The following RPS6KA2 variants were observed in gnomAD, a reference collection of about 807,000 sequenced individuals.
RPS6KA2 encodes ribosomal protein S6 kinase A2, also known as ribosomal protein S6 kinase alpha-2.
RPS6KA2 carries 42 observed loss-of-function variants against 91.8 expected under a neutral mutation model. That is an observed-to-expected ratio of 0.46 (90% CI 0.36 to 0.59). RPS6KA2 has a LOEUF of 0.59. RPS6KA2 is among the 20% of genes least tolerant of loss of function. The probability of loss-of-function intolerance (pLI) is 0.00; values close to 1 mark genes in which losing one functional copy is unlikely to be tolerated. For missense variants in RPS6KA2, 798 were observed against 978.5 expected (o/e 0.82, Z 2.46); for synonymous variants, 414 against 393.6 (o/e 1.05, Z -0.61).
intron 2 of RPS6KA2, among the ~76,000 whole-genome samples, chr6:166,713,397 G>T (rs73788095): frequency 0.034 from 5,105 of 152,264 alleles, 289 homozygotes; most frequent in African/African-American, 0.12. Flanking sequence ...GAATTGTGAG[G>T]GAGAAGAAAG....
chr6:166,576,588 G>A (rs538710035), intron 1 of RPS6KA2, among the ~76,000 whole-genome samples: 4 of 152,350 alleles, frequency 2.6e-5, no homozygotes, highest in Admixed American at 2.6e-4. Flanking sequence ...TTGTGGAAGT[G>A]TGAACTTAAG....
At chr6:166,581,004 C>T (rs747541798) in intron 1 of RPS6KA2, among the ~76,000 whole-genome samples, 1 of 152,128 alleles carries the variant, frequency 6.6e-6, no homozygotes, top group Non-Finnish European at 1.5e-5. Flanking sequence ...CAGGTTCAAG[C>T]GATTCTCCTG....
intron 2 of RPS6KA2, among the ~76,000 whole-genome samples, chr6:166,845,108 A>C (rs969110154): frequency 6.6e-6 from 1 of 152,220 alleles, no homozygotes; most frequent in African/African-American, 2.4e-5. Flanking sequence ...GCAGTTAAAA[A>C]GACAAAGAAG....
intron 2 of RPS6KA2, among the ~76,000 whole-genome samples, chr6:166,647,963 CAT>C (rs1562362710): frequency 4.8e-4 from 68 of 141,824 alleles, no homozygotes; most frequent in African/African-American, 1.7e-3. Context: ...CACATGCTTA[CAT>C]ACATACACAC....
intron 2 of RPS6KA2, among the ~76,000 whole-genome samples, chr6:166,720,654 A>T (rs1790146617): frequency 1.3e-5 from 2 of 152,236 alleles, no homozygotes; most frequent in Admixed American, 1.3e-4. Flanking sequence ...TCTAACTCTA[A>T]ATAAAGGGAA....
intron 10 of RPS6KA2, 50 bp downstream of exon 10, chr6:166,488,782 CG>C (rs758934438): frequency 7.0e-7 from 1 of 1,436,658 alleles, no homozygotes; most frequent in East Asian, 2.3e-5. Context: ...CTGTAGCTTG[CG>C]GGGCAGCGCC....
chr6:166,703,103 A>G (rs1236569886), intron 2 of RPS6KA2, among the ~76,000 whole-genome samples: 1 of 152,254 alleles, frequency 6.6e-6, no homozygotes, highest in African/African-American at 2.4e-5. Context: ...GAATTGAGCT[A>G]ACTTTTCACA....
At chr6:166,681,854 G>T (rs1788827109) in intron 2 of RPS6KA2, among the ~76,000 whole-genome samples, 1 of 151,990 alleles carries the variant, frequency 6.6e-6, no homozygotes, top group South Asian at 2.1e-4. Flanking sequence ...CCTGTCCTCT[G>T]CTGGGAATGC....
chr6:166,684,652 C>T (rs1056148497), intron 2 of RPS6KA2, among the ~76,000 whole-genome samples: 6 of 152,162 alleles, frequency 3.9e-5, no homozygotes, highest in Non-Finnish European at 7.4e-5. Flanking sequence ...CTGCTCTCTG[C>T]CCTCCTCTGC....
chr6:166,827,256 C>CAAAAAAAAAAAAAAAAAAAAAAA, intron 2 of RPS6KA2, among the ~76,000 whole-genome samples: 1 of 94,498 alleles, frequency 1.1e-5, no homozygotes. Flanking sequence ...CAACCTTATA[C>CAAAAAAAAAAAAAAAAAAAAAAA]AAAAAAAAAA....
chr6:166,543,156 G>C (rs1216302780), intron 1 of RPS6KA2, among the ~76,000 whole-genome samples: 3 of 152,162 alleles, frequency 2.0e-5, no homozygotes, highest in Non-Finnish European at 4.4e-5. Flanking sequence ...AGTCCCTCCT[G>C]AATCCCAGGT....
chr6:166,531,229 T>C lies in RPS6KA2; in HGVS notation c.298+3A>G. 1 of 1,611,992 alleles carries C rather than the reference T, an allele frequency of 6.2e-7. No individual in the cohort carries two copies. The highest frequency in any genetic ancestry group is 8.5e-7 in the Non-Finnish European group (1 of 1,177,990). On this transcript the variant is annotated splice_donor_region_variant and intron_variant, in intron 3 of 20. Coordinates refer to ENST00000265678, the MANE Select transcript of RPS6KA2 (RefSeq NM_021135.6). ...AAGCAGCCGGCCCTTCCGAAGCTCT[T>C]ACCTTTTAGGGTGGCTTTCTTAAGG...
chr6:166,609,327 C>A (rs1055444549), intron 1 of RPS6KA2, among the ~76,000 whole-genome samples: 14 of 152,024 alleles, frequency 9.2e-5, no homozygotes, highest in African/African-American at 3.4e-4. Flanking sequence ...TGATTTAGAT[C>A]TACTTTCGGG....
chr6:166,731,036 C>T (rs7750983), intron 2 of RPS6KA2, among the ~76,000 whole-genome samples: 28,640 of 152,042 alleles, frequency 0.19, 2,688 homozygotes, highest in Admixed American at 0.21. Context: ...TGAGGTCGGG[C>T]GTTTGAGACC....
chr6:166,619,165 C>A (rs1018077415), intron 1 of RPS6KA2, among the ~76,000 whole-genome samples: 2 of 152,230 alleles, frequency 1.3e-5, no homozygotes, highest in Admixed American at 1.3e-4. Context: ...AGTCACACAT[C>A]ATGATCCATG....
At chr6:166,795,930 G>C (rs1480394844) in intron 2 of RPS6KA2, among the ~76,000 whole-genome samples, 1 of 152,244 alleles carries the variant, frequency 6.6e-6, no homozygotes, top group Non-Finnish European at 1.5e-5. Flanking sequence ...AAGGATAAGG[G>C]AATGGCTTCT....
intron 10 of RPS6KA2, 80 bp downstream of exon 10, chr6:166,488,753 G>C: frequency 9.1e-7 from 1 of 1,103,916 alleles, no homozygotes; most frequent in Non-Finnish European, 1.4e-6. Flanking sequence ...GAGCAGGAGG[G>C]TGGCCCTCCA....
intron 3 of RPS6KA2, among the ~76,000 whole-genome samples, chr6:166,522,588 G>T (rs1342046909): frequency 1.3e-5 from 2 of 152,204 alleles, no homozygotes; most frequent in African/African-American, 4.8e-5. Flanking sequence ...GGCTGTGCTA[G>T]CTCGGTCTCC....
chr6:166,739,583 G>C (rs770806620), intron 2 of RPS6KA2, among the ~76,000 whole-genome samples: 1 of 152,210 alleles, frequency 6.6e-6, no homozygotes, highest in Non-Finnish European at 1.5e-5. Flanking sequence ...ATGAGAGAGC[G>C]GGTACGGAAA....
Sources: gnomAD v4.1 joint callset for allele counts (sites outside exome capture counted in the v4.1 genomes callset) on GRCh38, gnomAD v4.1.1 for gene constraint, MANE v1.5 for transcripts, NCBI Gene and HGNC (gene_info 2026-07-23, HGNC 2026-07-21) for gene names.